COL5A2: variants seen among roughly 807,000 people sequenced by gnomAD.
COL5A2 encodes collagen type V alpha 2 chain.
Under a neutral mutation model 208.2 loss-of-function variants are expected in COL5A2, and 23 were observed. The ratio of observed to expected loss-of-function variants is 0.11; its 90% CI spans 0.08 to 0.16. The LOEUF is 0.16. Ranked by LOEUF, COL5A2 falls within the 10% of genes least tolerant of loss-of-function variation. The pLI is 1.00. For missense variants in COL5A2, 1,590 were observed against 1,956.4 expected (o/e 0.81, Z 3.53); for synonymous variants, 625 against 628.5 (o/e 0.99, Z 0.08).
At chr2:189,060,256 T>C (rs1429282081) in intron 31 of COL5A2, among the ~76,000 whole-genome samples, 1 of 152,176 alleles carries the variant, frequency 6.6e-6, no homozygotes, top group African/African-American at 2.4e-5. Flanking sequence ...TGAATCCTAC[T>C]ATACTGTAAG....
At position 189,035,030 on chromosome 2, in the gene COL5A2, G is replaced by T; in HGVS notation, c.4239C>A (p.Asp1413Glu). ...YICKNSVGYM[D>E]DQAKNLKKAV... is the part of the protein sequence containing the mutation. ...CTTTTTTGAGGTTCTTAGCTTGATC[G>T]TCCATGTATCCTACACTGTTTTTAC... The change falls in exon 53 of 54, where the codon GAC becomes GAA. Residue 1413 changes from aspartate (D) to glutamate (E), a missense_variant. Asp to Glu is a conservative substitution (Grantham distance 45, BLOSUM62 2). Transcript: ENST00000374866. 6.2e-7 allele frequency: 1 copy of T among 1,613,738 alleles called. No homozygotes were observed. The highest frequency in any genetic ancestry group is 8.5e-7 in the Non-Finnish European group (1 of 1,179,848).
At chr2:189,146,980 C>G (rs918188013) in intron 1 of COL5A2, among the ~76,000 whole-genome samples, 5 of 152,010 alleles carry the variant, frequency 3.3e-5, no homozygotes, top group African/African-American at 1.2e-4. Flanking sequence ...GATTGTGAAA[C>G]AAGTAACTTC....
At chr2:189,403,761 T>G in the COL5A2 span, among the ~76,000 whole-genome samples, 2 of 152,380 alleles carry the variant, frequency 1.3e-5, no homozygotes, top group East Asian at 3.9e-4. Context: ...ATCCCAGGGA[T>G]GAAGCCTACT....
the COL5A2 span, among the ~76,000 whole-genome samples, chr2:189,373,194 T>C: frequency 6.6e-6 from 1 of 152,286 alleles, no homozygotes; most frequent in South Asian, 2.1e-4. Context: ...TAGACATTAA[T>C]ATCTCAGCAG....
chr2:189,318,421 C>T, the COL5A2 span, among the ~76,000 whole-genome samples: 1 of 152,160 alleles, frequency 6.6e-6, no homozygotes, highest in Non-Finnish European at 1.5e-5. Flanking sequence ...CTTGAATTAG[C>T]CAACTCCCTC....
the COL5A2 span, among the ~76,000 whole-genome samples, chr2:189,340,547 G>A: frequency 6.6e-6 from 1 of 152,174 alleles, no homozygotes; most frequent in African/African-American, 2.4e-5. Flanking sequence ...CCTTGGCCTA[G>A]AATGGTGAGC....
chr2:189,166,574 C>T (rs550353985), intron 1 of COL5A2, among the ~76,000 whole-genome samples: 1 of 152,218 alleles, frequency 6.6e-6, no homozygotes, highest in African/African-American at 2.4e-5. Flanking sequence ...TGATTATAAC[C>T]AGACAGCTTT....
chr2:189,262,676 T>C, the COL5A2 span, among the ~76,000 whole-genome samples: 13 of 152,110 alleles, frequency 8.5e-5, no homozygotes, highest in Non-Finnish European at 1.3e-4. Flanking sequence ...CCTATATTGT[T>C]CTAATTACAT....
the COL5A2 span, among the ~76,000 whole-genome samples, chr2:189,316,473 T>C: frequency 6.6e-6 from 1 of 151,842 alleles, no homozygotes; most frequent in Non-Finnish European, 1.5e-5. Flanking sequence ...TTTACCTGTG[T>C]AACAAATCTG....
At chr2:189,145,008 A>G (rs1293241126) in intron 1 of COL5A2, among the ~76,000 whole-genome samples, 1 of 152,152 alleles carries the variant, frequency 6.6e-6, no homozygotes, top group Non-Finnish European at 1.5e-5. Flanking sequence ...TAGAGTTTAG[A>G]ACCTCATGGA....
At chr2:189,080,833 A>T (rs759714056) in intron 13 of COL5A2, among the ~76,000 whole-genome samples, 157 bp downstream of exon 13, 2 of 152,200 alleles carry the variant, frequency 1.3e-5, no homozygotes, top group African/African-American at 2.4e-5. Context: ...GAAATGTATT[A>T]AAAAATTGTG....
chr2:189,050,679 A>G lies in COL5A2; in HGVS notation c.2932-3T>C. On this transcript the variant is annotated splice_polypyrimidine_tract_variant and splice_region_variant and intron_variant, in intron 42 of 53. Coordinates refer to ENST00000374866, the MANE Select transcript of COL5A2 (RefSeq NM_000393.5). ...GGACCAGGGGGGCCATCTGGACCCTAATGTTGAGGACAAACTAAAATCAGA... is the reference window on the plus strand; with the variant it reads ...GGACCAGGGGGGCCATCTGGACCCTGATGTTGAGGACAAACTAAAATCAGA... 6.4e-7 allele frequency: 1 copy of G among 1,550,470 alleles called. No homozygotes were observed. Among genetic ancestry groups the G allele is most frequent in the Non-Finnish European group, 8.7e-7 (1 of 1,146,058 alleles).
chr2:189,221,358 C>A (rs114775396), intron 1 of COL5A2, among the ~76,000 whole-genome samples: 2,403 of 152,080 alleles, frequency 0.016, 56 homozygotes, highest in African/African-American at 0.055. Context: ...TATTCTAATT[C>A]TTTTTGGAAA....
chr2:189,162,708 T>G (rs1339750165), intron 1 of COL5A2, among the ~76,000 whole-genome samples: 1 of 152,188 alleles, frequency 6.6e-6, no homozygotes, highest in Non-Finnish European at 1.5e-5. Context: ...GAATGTTTCA[T>G]GCACTTGAAT....
the COL5A2 span, among the ~76,000 whole-genome samples, chr2:189,304,633 C>T: frequency 2.0e-5 from 3 of 152,150 alleles, no homozygotes; most frequent in African/African-American, 7.2e-5. Flanking sequence ...AGCACCAACA[C>T]ATGAGGGATC....
chr2:189,310,329 A>G, the COL5A2 span, among the ~76,000 whole-genome samples: 1 of 152,240 alleles, frequency 6.6e-6, no homozygotes, highest in East Asian at 1.9e-4. Flanking sequence ...GCTCAACACC[A>G]CTGATCATCA....
intron 23 of COL5A2, among the ~76,000 whole-genome samples, chr2:189,065,975 T>C (rs1686139739): frequency 6.6e-6 from 1 of 152,242 alleles, no homozygotes; most frequent in Admixed American, 6.5e-5. Flanking sequence ...GACATATATG[T>C]GTAGTTACTC....
chr2:189,314,523 G>C, the COL5A2 span, among the ~76,000 whole-genome samples: 1 of 151,834 alleles, frequency 6.6e-6, no homozygotes, highest in Admixed American at 6.6e-5. Context: ...ACAACTAAAA[G>C]AACTAAAGAA....
intron 6 of COL5A2, 99 bp downstream of exon 6, chr2:189,097,177 GA>G (rs1417043653): frequency 1.8e-6 from 2 of 1,092,672 alleles, no homozygotes; most frequent in Non-Finnish European, 1.4e-6. Flanking sequence ...TAATGGAGGT[GA>G]AAGAGGAATA....
Sources: gnomAD v4.1 joint callset for allele counts (sites outside exome capture counted in the v4.1 genomes callset) on GRCh38, gnomAD v4.1.1 for gene constraint, MANE v1.5 for transcripts, NCBI Gene and HGNC (gene_info 2026-07-23, HGNC 2026-07-21) for gene names.